UNC79: variants seen among roughly 807,000 people sequenced by gnomAD.
UNC79 encodes unc-79 subunit of NALCN channel complex.
Under a neutral mutation model 283.1 loss-of-function variants are expected in UNC79, and 37 were observed. The ratio of observed to expected loss-of-function variants is 0.13; its 90% CI spans 0.10 to 0.17. The LOEUF is 0.17. UNC79 is among the 10% of genes least tolerant of loss of function. The pLI is 1.00. For synonymous variants in UNC79, 1,107 were observed against 1,200.2 expected, an observed-to-expected ratio of 0.92 and a Z score of 1.61; for missense variants, 2,272 against 3,211.1, an observed-to-expected ratio of 0.71 and a Z score of 7.07.
chr14:93,661,559 T>C (rs978717456), intron 39 of UNC79, among the ~76,000 whole-genome samples: 2 of 152,158 alleles, frequency 1.3e-5, no homozygotes, highest in Non-Finnish European at 2.9e-5. Flanking sequence ...CTCTGGAAAA[T>C]TGCCCTGGAA....
intron 7 of UNC79, among the ~76,000 whole-genome samples, chr14:93,499,052 G>A (rs186265601): frequency 5.9e-5 from 9 of 152,290 alleles, no homozygotes; most frequent in Admixed American, 4.6e-4. Context: ...TTACGTTCCC[G>A]ATGAAAGACT....
At chr14:93,598,774 G>A (rs965161242) in intron 24 of UNC79, among the ~76,000 whole-genome samples, 19 of 152,130 alleles carry the variant, frequency 1.2e-4, no homozygotes, top group African/African-American at 1.9e-4. Flanking sequence ...CGCCTGCCTC[G>A]GCCTCCCAAA....
chr14:93,367,209 A>G (rs895766705), intron 1 of UNC79, among the ~76,000 whole-genome samples: 1 of 152,256 alleles, frequency 6.6e-6, no homozygotes, highest in African/African-American at 2.4e-5. Context: ...ATAGTAAAAA[A>G]AGAAATCTAA....
At chr14:93,530,884 G>A (rs914363426) in intron 10 of UNC79, among the ~76,000 whole-genome samples, 2 of 152,092 alleles carry the variant, frequency 1.3e-5, no homozygotes, top group African/African-American at 4.8e-5. Context: ...ACTCCAGCCT[G>A]GGCAACAGAG....
chr14:93,495,177 A>G (rs2058960936), intron 5 of UNC79, among the ~76,000 whole-genome samples: 1 of 152,180 alleles, frequency 6.6e-6, no homozygotes, highest in South Asian at 2.1e-4. Flanking sequence ...CCGTTTTTAC[A>G]CTGCTATAAA....
chr14:93,363,569 G>A (rs1334993655), intron 1 of UNC79, among the ~76,000 whole-genome samples: 1 of 152,128 alleles, frequency 6.6e-6, no homozygotes, highest in East Asian at 1.9e-4. Context: ...AAGTATTGAA[G>A]TCTCCCACTG....
In UNC79 at chr14:93,662,703, G is replaced by A. The variant is rs1320731637; in HGVS notation, c.6625G>A (p.Ala2209Thr). 1.9e-6 allele frequency: 3 copies of A among 1,608,624 alleles called. No individual in the cohort carries two copies. The Admixed American group carries it at 5.0e-5, about 27-fold the overall frequency. ...GGAGCTGTGTGGCTTATGTTACCGAGCTTTCACTAAGGTAAGCAAGCTTCC... is the reference window on the plus strand; with the variant it reads ...GGAGCTGTGTGGCTTATGTTACCGAACTTTCACTAAGGTAAGCAAGCTTCC... The change falls in exon 40 of 49, where the codon GCT becomes ACT. Residue 2209 changes from alanine to threonine, a missense_variant. Ala to Thr is a moderately conservative substitution (Grantham distance 58, BLOSUM62 0). Around this residue, in one of 11 missense-constraint regions of UNC79, gnomAD observed 287 missense variants for 446.4 expected, o/e 0.64. Coordinates refer to ENST00000555664, the Ensembl canonical transcript of UNC79.
Position 93,404,493 on chromosome 14 carries a change from A to AAAAAATATATATATATATATATATATAT in UNC79, c.-350-63177_-350-63176insAAAATATATATATATATATATATATATA. ...TGACAGAGTGAGACCTTCTAAAAAAAATATATATATATATATATATAAATA... is the reference window on the plus strand; with the variant it reads ...TGACAGAGTGAGACCTTCTAAAAAAAAAAAATATATATATATATATATATATATATATATATATATATATATATAAATA... On this transcript the variant is annotated intron_variant, in intron 1 of 49. Coordinates refer to the UNC79 transcript ENST00000256339. 7.8e-4 allele frequency among the ~76,000 whole-genome samples: 48 copies of AAAAAATATATATATATATATATATATAT among 61,456 alleles called. 1 individual carries two copies. Among genetic ancestry groups the AAAAAATATATATATATATATATATATAT allele is most frequent in the South Asian group, 2.8e-3 (6 of 2,170 alleles). 40.3% of individuals were successfully genotyped at this position (61,456 alleles called of 152,430 possible). A position where few individuals can be genotyped will look rare whatever the true frequency, so the allele number is the denominator to read the frequency against.
At chr14:93,606,911 A>C (rs997812254) in intron 26 of UNC79, among the ~76,000 whole-genome samples, 1 of 152,218 alleles carries the variant, frequency 6.6e-6, no homozygotes, top group African/African-American at 2.4e-5. Flanking sequence ...ATGTGTTAAC[A>C]ATCTCATTTT....
At chr14:93,380,220 A>G (rs1330856452) in intron 1 of UNC79, among the ~76,000 whole-genome samples, 3 of 152,214 alleles carry the variant, frequency 2.0e-5, no homozygotes, top group Admixed American at 6.5e-5. Flanking sequence ...TTGAACCAAG[A>G]TATAATATTC....
chr14:93,549,672 G>A (rs2061775101), intron 14 of UNC79, among the ~76,000 whole-genome samples: 1 of 152,198 alleles, frequency 6.6e-6, no homozygotes, highest in Admixed American at 6.5e-5. Context: ...CTCCAGCATA[G>A]CCATGTGGTG....
chr14:93,676,810 TAAC>T (rs1315841347), intron 41 of UNC79, among the ~76,000 whole-genome samples: 1 of 152,142 alleles, frequency 6.6e-6, no homozygotes, highest in Non-Finnish European at 1.5e-5. Flanking sequence ...GGTGAATAAA[TAAC>T]AAAAACAAAT....
At chr14:93,419,445 G>A (rs2055542065) in intron 1 of UNC79, among the ~76,000 whole-genome samples, 2 of 151,488 alleles carry the variant, frequency 1.3e-5, no homozygotes, top group South Asian at 2.2e-4. Context: ...GGGATTACAG[G>A]CCAGCACCAC....
chr14:93,364,539 T>G (rs1028551070), intron 1 of UNC79, among the ~76,000 whole-genome samples: 1 of 111,808 alleles, frequency 8.9e-6, no homozygotes, highest in African/African-American at 3.1e-5. Context: ...GTGTTTTAGA[T>G]GTGGGAAATT....
chr14:93,551,391 C>T (rs1191349237), intron 14 of UNC79, among the ~76,000 whole-genome samples: 1 of 152,068 alleles, frequency 6.6e-6, no homozygotes, highest in African/African-American at 2.4e-5. Flanking sequence ...TTGACATCGG[C>T]GGTAGAGTAT....
chr14:93,686,572 T>A, exon 43 of UNC79: 4 of 1,614,078 alleles, frequency 2.5e-6, no homozygotes, highest in Non-Finnish European at 3.4e-6. Flanking sequence ...TGTGTTTCAG[T>A]GTGGGACTGC....
downstream of UNC79, chr14:93,707,807 A>G (rs914242154): frequency 6.6e-6 from 1 of 152,234 alleles, no homozygotes; most frequent in African/African-American, 2.4e-5. Flanking sequence ...CCTGTAATGC[A>G]CTGACTAACA....
At chr14:93,682,210 G>C (rs1291613555) in intron 41 of UNC79, among the ~76,000 whole-genome samples, 1 of 152,186 alleles carries the variant, frequency 6.6e-6, no homozygotes, top group Non-Finnish European at 1.5e-5. Flanking sequence ...TCACTCTGAG[G>C]TTGATTGTTT....
chr14:93,393,067 TG>T lies in UNC79; in HGVS notation c.-351+59546del, dbSNP rs1323099401. Reference sequence around the variant, plus strand: ...ATCATAACATGGCAGAGGCATCTTGTGGTGAGAGAGTTGGTATGAGAGAGGG... The same window carrying T: ...ATCATAACATGGCAGAGGCATCTTGTGTGAGAGAGTTGGTATGAGAGAGGG... On this transcript the variant is annotated intron_variant, in intron 1 of 49. Transcript: ENST00000256339. Among the ~76,000 whole-genome samples the T allele has an allele frequency of 7.9e-4, 120 of 152,208 alleles. 1 individual carries two copies. Among genetic ancestry groups the T allele is most frequent in the African/African-American group, 2.8e-3 (118 of 41,528 alleles).
Sources: gnomAD v4.1 joint callset for allele counts (sites outside exome capture counted in the v4.1 genomes callset) on GRCh38, gnomAD v4.1.1 for gene constraint, gnomAD v4.1.1 regional missense constraint, MANE v1.5 for transcripts, NCBI Gene and HGNC (gene_info 2026-07-23, HGNC 2026-07-21) for gene names.